Variants in SRRM2 observed in about 807,000 individuals in gnomAD.
SRRM2 encodes serine/arginine repetitive matrix protein 2.
In SRRM2, 30 loss-of-function variants were observed where a neutral mutation model predicts 213.8. That is an observed-to-expected ratio of 0.14 (90% CI 0.10 to 0.19). The LOEUF (loss-of-function observed/expected upper bound fraction) is 0.19. Among genes scored for constraint, SRRM2 ranks in the 10% least tolerant of loss-of-function variants. The pLI, the probability that SRRM2 is intolerant of heterozygous loss-of-function variation, is 1.00. For missense variants in SRRM2, 4,904 were observed against 3,647.0 expected, an observed-to-expected ratio of 1.34 and a Z score of -8.88; for synonymous variants, 2,025 against 1,377.7, an observed-to-expected ratio of 1.47 and a Z score of -10.40.
intron 12 of SRRM2, chr16:2,769,786 T>TG (rs1244613081): frequency 2.1e-6 from 1 of 466,120 alleles, no homozygotes; most frequent in Non-Finnish European, 4.3e-6. Flanking sequence ...GAGTGGCGTG[T>TG]GAGGCTCTTC....
In SRRM2 at chr16:2,766,321, C is replaced by G; in HGVS notation, c.5793C>G (p.Thr1931=). The G allele has an allele frequency of 6.2e-7, 1 of 1,614,134 alleles. No homozygotes were observed. Among genetic ancestry groups the G allele is most frequent in the Non-Finnish European group, 8.5e-7 (1 of 1,180,002 alleles). The change falls in exon 11 of 15, where the codon ACC becomes ACG. Residue 1931 remains threonine (T), a synonymous_variant. Transcript: ENST00000301740. This position sits in a 1 kb window ranked among gnomAD's most constrained non-coding sequence, Gnocchi z 7.0. ...RRSRSRTPPV[T]RRRSRSRTPT... ...CCAGATCCAGAACGCCACCAGTAAC[C>G]CGCCGTCGTTCAAGGTCTAGAACGC...
At chr16:2,754,274 G>A (rs1490700213) in intron 1 of SRRM2, among the ~76,000 whole-genome samples, 4 of 151,494 alleles carry the variant, frequency 2.6e-5, no homozygotes, top group African/African-American at 4.9e-5. Flanking sequence ...AATATCCTTT[G>A]CTTAGCACCT....
In SRRM2 at chr16:2,764,219, A is replaced by G. The variant is rs2150777026; in HGVS notation, c.3691A>G (p.Thr1231Ala). The change falls in exon 11 of 15, where the codon ACG becomes GCG. Residue 1231 changes from threonine (T) to alanine (A), a missense_variant. By Grantham distance (58) the Thr-to-Ala change is moderately conservative. Transcript: ENST00000301740. ...AAAAGAGCAAAATAGTGCATTGCCT[A>G]CGTCAAGCCAAGATGAAGAGTTAAT... ...ETKEQNSALP[T>A]SSQDEELMEV... 1.9e-6 allele frequency: 3 copies of G among 1,614,228 alleles called. No homozygotes were observed. The highest frequency in any genetic ancestry group is 1.6e-4 in the Middle Eastern group (1 of 6,062).
At chr16:2,756,757 C>G in intron 2 of SRRM2, 151 bp downstream of exon 2, 1 of 1,117,562 alleles carries the variant, frequency 8.9e-7, no homozygotes, top group Non-Finnish European at 1.2e-6. Flanking sequence ...GAAGTGAAAA[C>G]AGTTAAGGGA....
At chr16:2,756,735 A>G in intron 2 of SRRM2, 129 bp downstream of exon 2, 1 of 1,307,190 alleles carries the variant, frequency 7.6e-7, no homozygotes, top group Non-Finnish European at 1.0e-6. Context: ...GAGGAGGCAG[A>G]TGAGCTCTAG....
rs139028253 is a variant in SRRM2, at chr16:2,766,656, G to A, written c.6128G>A (p.Arg2043Gln). Residue 2043 changes from arginine (R) to glutamine (Q), a missense_variant, in exon 11 of 15, where the codon CGA becomes CAA. Physicochemically the swap from Arg to Gln is conservative, Grantham distance 43. Transcript: ENST00000301740. The surrounding 1 kb of genome is among the most constrained non-coding windows in gnomAD (Gnocchi z 7.0). The stretch of plus-strand genomic sequence containing the variant: ...CCACTGTTACCACGCAAACGTTCTC[G>A]AAGTCGCTCACCACTTGCTATCCGC... ...RTPLLPRKRS[R>Q]SRSPLAIRRR... The A allele has an allele frequency of 3.8e-5, 61 of 1,612,916 alleles. No homozygotes were observed. The highest frequency in any genetic ancestry group is 1.7e-4 in the African/African-American group (13 of 74,518).
intron 3 of SRRM2, 93 bp from the exon 4 acceptor site, chr16:2,757,688 C>T: frequency 6.9e-6 from 11 of 1,582,848 alleles, no homozygotes; most frequent in Non-Finnish European, 9.5e-6. Context: ...GTCTGCCTTT[C>T]CCATGCCTTA....
rs559750275 is a variant in SRRM2 at position 2,754,295 on chromosome 16, C to CT, written c.-32+1463dup. ...CTTTGCTTAGCACCTACTGGTTTTTCTTTTTTTTTTTTTTCCGAGACGGAG... is the reference window on the plus strand; with the variant it reads ...CTTTGCTTAGCACCTACTGGTTTTTCTTTTTTTTTTTTTTTCCGAGACGGAG... On this transcript the variant is annotated intron_variant, in intron 1 of 14. Transcript: ENST00000301740. Among the ~76,000 whole-genome samples, 1,235 of 143,120 alleles carry CT rather than the reference C, an allele frequency of 8.6e-3. 9 individuals carry two copies. The highest frequency in any genetic ancestry group is 0.013 in the South Asian group (59 of 4,468). 93.9% of individuals were successfully genotyped at this position (143,120 alleles called of 152,430 possible). A position where few individuals can be genotyped will look rare whatever the true frequency, so the allele number is the denominator to read the frequency against.
rs375075434 is a variant in SRRM2, at chr16:2,766,680, G to A, written c.6152G>A (p.Arg2051His). Residue 2051 changes from arginine to histidine, a missense_variant, in exon 11 of 15, where the codon CGC (arginine) becomes CAC (histidine). By Grantham distance (29) the Arg-to-His change is conservative. Coordinates refer to ENST00000301740, the MANE Select transcript of SRRM2 (RefSeq NM_016333.4). The surrounding 1 kb of genome is among the most constrained non-coding windows in gnomAD (Gnocchi z 7.0). Reference sequence around the variant, plus strand: ...CGAAGTCGCTCACCACTTGCTATCCGCCGCCGCTCCAGATCCCGTACTCCA... The same window carrying A: ...CGAAGTCGCTCACCACTTGCTATCCACCGCCGCTCCAGATCCCGTACTCCA... ...RSRSRSPLAI[R>H]RRSRSRTPRT... 255 of 1,614,074 alleles carry A rather than the reference G, an allele frequency of 1.6e-4. 1 individual carries two copies. The South Asian group carries it at 1.7e-3, about 11-fold the overall frequency.
Position 2,761,941 on chromosome 16 carries a change from A to G in SRRM2, c.1413A>G (p.Lys471=), listed in dbSNP as rs1272532145. 1 of 1,614,008 alleles carries G rather than the reference A, an allele frequency of 6.2e-7. No homozygotes were observed. The highest frequency in any genetic ancestry group is 8.5e-7 in the Non-Finnish European group (1 of 1,180,010). Residue 471 remains lysine, a synonymous_variant, in exon 11 of 15, where the codon AAA becomes AAG. Coordinates refer to ENST00000301740, the MANE Select transcript of SRRM2 (RefSeq NM_016333.4). ...CACATGGCCGAGCAAAACGGGATAA[A>G]TCACATTCTCATACCCCCTCCCGTA... ...NRSHGRAKRD[K]SHSHTPSRRM... is the part of the protein sequence containing the mutation.
rs9921332 is a variant in SRRM2 at position 2,764,136 on chromosome 16, A to G, written c.3608A>G (p.Lys1203Arg). The change falls in exon 11 of 15, where the codon AAA (lysine) becomes AGA (arginine). Residue 1203 changes from lysine to arginine, a missense_variant. By Grantham distance (26) the Lys-to-Arg change is conservative. Coordinates refer to ENST00000301740, the MANE Select transcript of SRRM2 (RefSeq NM_016333.4). ...QDRPESSLVFKDTLRTPPRER... is the reference protein window; with the variant it reads ...QDRPESSLVFRDTLRTPPRER... ...AGGCCTGAGTCTTCACTGGTATTCA[A>G]AGACACACTTAGAACCCCGCCAAGG... 1.9e-6 allele frequency: 3 copies of G among 1,614,184 alleles called. No homozygotes were observed. Among genetic ancestry groups the G allele is most frequent in the Non-Finnish European group, 2.5e-6 (3 of 1,180,034 alleles).
Position 2,759,349 on chromosome 16 carries a change from C to A in SRRM2, c.690-3C>A. 1 of 1,604,184 alleles carries A rather than the reference C, an allele frequency of 6.2e-7. No individual in the cohort carries two copies. On this transcript the variant is annotated splice_region_variant and splice_polypyrimidine_tract_variant and intron_variant, in intron 7 of 14. Transcript: ENST00000301740. ...CTTTTAACAACCTTTCCTTATTTCC[C>A]AGGTCTCCCACTCCAAAGAGCAAAC...
chr16:2,755,600 T>G (rs2068112600), intron 1 of SRRM2, among the ~76,000 whole-genome samples: 2 of 152,128 alleles, frequency 1.3e-5, no homozygotes, highest in Admixed American at 1.3e-4. Flanking sequence ...AATATCAGGA[T>G]AGTTGATAGG....
At position 2,765,046 on chromosome 16, in the gene SRRM2, C is replaced by G; in HGVS notation, c.4518C>G (p.Asn1506Lys). The G allele has an allele frequency of 6.2e-7, 1 of 1,613,980 alleles. No individual in the cohort carries two copies. The highest frequency in any genetic ancestry group is 8.5e-7 in the Non-Finnish European group (1 of 1,180,012). The change falls in exon 11 of 15, where the codon AAC becomes AAG. Residue 1506 changes from asparagine (N) to lysine (K), a missense_variant. Asn to Lys is a moderately conservative substitution (Grantham distance 94). Coordinates refer to ENST00000301740, the MANE Select transcript of SRRM2 (RefSeq NM_016333.4). ...GTTCTCCATCATCCCCAGAGCTCAACAACAAGTGTCTTACCCCCCAGAGAG... is the reference window on the plus strand; with the variant it reads ...GTTCTCCATCATCCCCAGAGCTCAAGAACAAGTGTCTTACCCCCCAGAGAG... ...RSRSPSSPEL[N>K]NKCLTPQRER...
intron 5 of SRRM2, 65 bp from the exon 6 acceptor site, chr16:2,758,920 A>G: frequency 1.3e-6 from 2 of 1,588,164 alleles, no homozygotes; most frequent in Non-Finnish European, 1.7e-6. Flanking sequence ...TAGGAGAGAG[A>G]TTGTAAGTGG....
rs2068347548 is a variant in SRRM2 at position 2,761,531 on chromosome 16, C to G, written c.1033-30C>G. The G allele has an allele frequency of 2.0e-6, 3 of 1,465,450 alleles. No individual in the cohort carries two copies. In the East Asian group the frequency reaches 7.2e-5, roughly 35 times the overall value. The allele number at this position is 1,465,450 out of a possible 1,614,324, so 90.8% of individuals were successfully genotyped here. A position where few individuals can be genotyped will look rare whatever the true frequency, so the allele number is the denominator to read the frequency against. The stretch of plus-strand genomic sequence containing the variant: ...ATGTGAAGTTTTGGCGTTTATGAAT[C>G]CCTATCCCTGCTCTCTCTTCCACTC... On this transcript the variant is annotated intron_variant, in intron 10 of 14. Transcript: ENST00000301740.
In SRRM2 at chr16:2,757,491, C is replaced by G. The variant is rs2150771892; in HGVS notation, c.262C>G (p.Gln88Glu). 3 of 1,613,988 alleles carry G rather than the reference C, an allele frequency of 1.9e-6. No individual in the cohort carries two copies. The highest frequency in any genetic ancestry group is 2.2e-5 in the East Asian group (1 of 44,866). Residue 88 changes from glutamine to glutamate, a missense_variant, in exon 3 of 15, where the codon CAG becomes GAG. Gln to Glu is a conservative substitution (Grantham distance 29). Coordinates refer to ENST00000301740, the MANE Select transcript of SRRM2 (RefSeq NM_016333.4). ...EEQGYEEQQI[Q>E]EKVATFRLML... ...CTTCAGGTACGAGGAACAGCAAATT[C>G]AGGAAAAAGTGGCGACCTTTCGACT...
chr16:2,767,902 A>G lies in SRRM2; in HGVS notation c.7374A>G (p.Gln2458=), dbSNP rs377735891. 36 of 1,613,696 alleles carry G rather than the reference A, an allele frequency of 2.2e-5. No individual in the cohort carries two copies. Among genetic ancestry groups the G allele is most frequent in the Non-Finnish European group, 2.4e-5 (28 of 1,179,966 alleles). The change falls in exon 11 of 15, where the codon CAA becomes CAG. Residue 2458 remains glutamine, a synonymous_variant. Transcript: ENST00000301740. ...RSPVPSAFSD[Q]SRCLIAQTTP... ...CTGTGCCTTCTGCTTTTTCAGACCA[A>G]TCCCGTTGTTTGATTGCCCAGACCA...
At position 2,770,626 on chromosome 16, in the gene SRRM2, CGGAGA is replaced by C. The variant is rs770477024; in HGVS notation, c.8161_8165del (p.Arg2721ProfsTer18). On this transcript the variant is annotated frameshift_variant, in exon 14 of 15. Transcript: ENST00000301740. LOFTEE classifies it high-confidence loss of function. Reference sequence around the variant, plus strand: ...CAGCAGCAGCAGTGAGCGGGGTTCCCGGAGAGGCCAGCGTGGGGACAGCCGCTCCC... The same window carrying C: ...CAGCAGCAGCAGTGAGCGGGGTTCCCGGCCAGCGTGGGGACAGCCGCTCCC... The C allele has an allele frequency of 6.4e-7, 1 of 1,552,622 alleles. No homozygotes were observed. Among genetic ancestry groups the C allele is most frequent in the African/African-American group, 1.4e-5 (1 of 73,264 alleles).
Sources: allele counts gnomAD v4.1 joint callset (sites outside exome capture counted in the v4.1 genomes callset), GRCh38; gene constraint gnomAD v4.1.1; non-coding constraint Gnocchi (gnomAD v3.1); transcripts MANE v1.5; gene names NCBI Gene and HGNC (gene_info 2026-07-23, HGNC 2026-07-21).